PDE1C: variants seen among roughly 807,000 people sequenced by gnomAD.
PDE1C encodes dual specificity calcium/calmodulin-dependent 3',5'-cyclic nucleotide phosphodiesterase 1C.
Under a neutral mutation model 93.1 loss-of-function variants are expected in PDE1C, and 62 were observed. The ratio of observed to expected loss-of-function variants is 0.67; its 90% CI spans 0.54 to 0.82. The LOEUF is 0.82. Among genes scored for constraint, PDE1C ranks in the 40% least tolerant of loss-of-function variants. PDE1C has a pLI of 0.00. For synonymous variants in PDE1C, 325 were observed against 310.1 expected (o/e 1.05, Z -0.50); for missense variants, 742 against 884.6 (o/e 0.84, Z 2.04).
rs370007388 is a variant in PDE1C at position 32,412,711 on chromosome 7, C to T, written c.310+15111G>A. ...ATGCAGTCCATCATTGCCCGAAATT[C>T]GTTATGCAGGACATAACTATACAGT... is the stretch of plus-strand genomic sequence containing the variant. On this transcript the variant is annotated intron_variant, in intron 1 of 1. Transcript: ENST00000672256. Among the ~76,000 whole-genome samples, 10 of 149,724 alleles carry T rather than the reference C, an allele frequency of 6.7e-5. No individual in the cohort carries two copies. The East Asian group carries it at 9.9e-4, about 15-fold the overall frequency.
intron 15 of PDE1C, among the ~76,000 whole-genome samples, chr7:31,815,024 T>G (rs1788058878): frequency 6.6e-6 from 1 of 152,034 alleles, no homozygotes; most frequent in African/African-American, 2.4e-5. Flanking sequence ...CTTGCTCATC[T>G]TGTTCTCTCC....
At chr7:32,347,683 C>A (rs1346461601) in intron 1 of PDE1C, among the ~76,000 whole-genome samples, 3 of 152,158 alleles carry the variant, frequency 2.0e-5, no homozygotes, top group Admixed American at 1.3e-4. Flanking sequence ...TGGCAAAGAG[C>A]TATGTGTGGT....
chr7:31,892,477 C>T (rs548213089), intron 2 of PDE1C, among the ~76,000 whole-genome samples: 5 of 152,296 alleles, frequency 3.3e-5, no homozygotes, highest in Admixed American at 1.3e-4. Context: ...GCAGTGATCC[C>T]CTGGGACTCT....
At chr7:32,098,080 AT>A (rs1404815525) in intron 3 of PDE1C, among the ~76,000 whole-genome samples, 29 of 148,662 alleles carry the variant, frequency 2.0e-4, no homozygotes, top group African/African-American at 6.5e-4. Flanking sequence ...AATACAAAAA[AT>A]TAGCCGGGCG....
In PDE1C at chr7:31,800,582, TG is replaced by T. The variant is rs554580401; in HGVS notation, c.1891+8448del. On this transcript the variant is annotated intron_variant, in intron 16 of 17. Coordinates refer to ENST00000396191, the MANE Select transcript of PDE1C (RefSeq NM_001191057.4). The stretch of plus-strand genomic sequence containing the variant: ...TATTTTTGGAGTATCTAAGCTATTC[TG>T]TTGATCTGTTGGTCTGTGTTGATGC... Among the ~76,000 whole-genome samples, 275 of 151,522 alleles carry T rather than the reference TG, an allele frequency of 1.8e-3. 1 individual carries two copies. Among genetic ancestry groups the T allele is most frequent in the African/African-American group, 6.4e-3 (267 of 41,452 alleles).
At chr7:31,906,798 A>C (rs1381638810) in intron 2 of PDE1C, among the ~76,000 whole-genome samples, 1 of 152,142 alleles carries the variant, frequency 6.6e-6, no homozygotes. Context: ...TAAATACCCA[A>C]TATTTCCATT....
At chr7:31,626,803 G>A in the PDE1C span, among the ~76,000 whole-genome samples, 1 of 152,276 alleles carries the variant, frequency 6.6e-6, no homozygotes, top group South Asian at 2.1e-4. Flanking sequence ...AACTTTGAAA[G>A]AGCAGAGGCA....
At chr7:32,254,244 C>G (rs192850152) in intron 1 of PDE1C, among the ~76,000 whole-genome samples, 2 of 152,288 alleles carry the variant, frequency 1.3e-5, no homozygotes, top group East Asian at 1.9e-4. Context: ...CTAGAAACAA[C>G]AGGATGAGAC....
the PDE1C span, among the ~76,000 whole-genome samples, chr7:31,719,252 C>T: frequency 1.3e-5 from 2 of 152,194 alleles, no homozygotes; most frequent in East Asian, 3.9e-4. Context: ...CCCTAGTACT[C>T]GAGATGGACC....
chr7:32,150,967 T>C (rs1484221994), intron 3 of PDE1C, among the ~76,000 whole-genome samples: 1 of 152,140 alleles, frequency 6.6e-6, no homozygotes, highest in Non-Finnish European at 1.5e-5. Context: ...GAGTTCTATA[T>C]GACAAAGTCC....
intron 2 of PDE1C, among the ~76,000 whole-genome samples, chr7:32,190,719 T>C (rs1442825612): frequency 6.6e-6 from 1 of 152,198 alleles, no homozygotes; most frequent in African/African-American, 2.4e-5. Context: ...AGTTTCTGCT[T>C]TCAAGGAACT....
At chr7:32,003,518 AG>A (rs577609389) in intron 2 of PDE1C, among the ~76,000 whole-genome samples, 112 of 152,364 alleles carry the variant, frequency 7.4e-4, no homozygotes, top group Non-Finnish European at 1.4e-3. Flanking sequence ...CCATCATGGA[AG>A]CCAGACTCAT....
At chr7:32,116,560 A>T (rs1333218100) in intron 3 of PDE1C, among the ~76,000 whole-genome samples, 1 of 152,190 alleles carries the variant, frequency 6.6e-6, no homozygotes, top group Non-Finnish European at 1.5e-5. Context: ...GTAAAACAGC[A>T]AAAGAGAAGG....
intron 1 of PDE1C, among the ~76,000 whole-genome samples, chr7:32,268,417 T>G (rs1810755559): frequency 6.6e-6 from 1 of 152,094 alleles, no homozygotes; most frequent in Non-Finnish European, 1.5e-5. Flanking sequence ...TCTGGAATGA[T>G]AGGAGGATTG....
Position 32,406,277 on chromosome 7 carries a change from A to T in PDE1C, c.310+21545T>A, listed in dbSNP as rs183416403. On this transcript the variant is annotated intron_variant, in intron 1 of 1. Transcript: ENST00000672256. ...AACCCTGTGCCAGGCACTGTAATTT[A>T]AAAAAGAAGAAAAGAAAGTTCCTCC... 7.2e-3 allele frequency among the ~76,000 whole-genome samples: 1,101 copies of T among 152,274 alleles called. 7 individuals carry two copies. The highest frequency in any genetic ancestry group is 0.025 in the African/African-American group (1,042 of 41,540).
At chr7:31,809,140 G>C (rs918291280) in intron 15 of PDE1C, 32 bp from the exon 16 acceptor site, 2 of 1,204,094 alleles carry the variant, frequency 1.7e-6, no homozygotes, top group African/African-American at 3.0e-5. Context: ...AACAGTATAT[G>C]TATGCAGCTG....
chr7:32,088,472 G>A (rs536346799), intron 3 of PDE1C, among the ~76,000 whole-genome samples: 4 of 152,354 alleles, frequency 2.6e-5, no homozygotes, highest in East Asian at 1.9e-4. Flanking sequence ...ATTTGGGGCC[G>A]GGCCTTTCTA....
At chr7:31,795,054 G>A (rs1410844133) in intron 16 of PDE1C, among the ~76,000 whole-genome samples, 1 of 151,870 alleles carries the variant, frequency 6.6e-6, no homozygotes, top group Non-Finnish European at 1.5e-5. Flanking sequence ...ATGTAGACAT[G>A]GTCACTTGGA....
chr7:31,765,526 A>G (rs189739016), intron 17 of PDE1C, among the ~76,000 whole-genome samples: 2 of 152,336 alleles, frequency 1.3e-5, no homozygotes, highest in Admixed American at 1.3e-4. Flanking sequence ...AAGGCTATTC[A>G]GAAGCTCCTA....
Sources: gnomAD v4.1 joint callset for allele counts (sites outside exome capture counted in the v4.1 genomes callset) on GRCh38, gnomAD v4.1.1 for gene constraint, MANE v1.5 for transcripts, NCBI Gene and HGNC (gene_info 2026-07-23, HGNC 2026-07-21) for gene names.